Variants in CHN2 observed in about 807,000 individuals in gnomAD.
CHN2 encodes chimerin 2.
Under a neutral mutation model 56.3 loss-of-function variants are expected in CHN2, and 35 were observed. That is an observed-to-expected ratio of 0.62 (90% CI 0.47 to 0.82). The LOEUF (loss-of-function observed/expected upper bound fraction) is 0.82, where lower values mean the gene tolerates loss of function less well. Among genes scored for constraint, CHN2 ranks in the 40% least tolerant of loss-of-function variants. The pLI, the probability that CHN2 is intolerant of heterozygous loss-of-function variation, is 0.00. For missense variants in CHN2, 491 were observed against 580.5 expected (o/e 0.85, Z 1.58); for synonymous variants, 210 against 212.8 (o/e 0.99, Z 0.12).
chr7:29,341,398 A>G (rs1455950661), intron 1 of CHN2, among the ~76,000 whole-genome samples: 1 of 152,206 alleles, frequency 6.6e-6, no homozygotes, highest in Non-Finnish European at 1.5e-5. Context: ...ATTGTTATGG[A>G]TGGTGCCAGT....
intron 6 of CHN2, among the ~76,000 whole-genome samples, chr7:29,478,508 G>T (rs1786801501): frequency 6.6e-6 from 1 of 152,188 alleles, no homozygotes; most frequent in South Asian, 2.1e-4. Flanking sequence ...TAAAGCATTT[G>T]TCAGGACTGA....
chr7:29,424,301 G>A (rs1375780499), intron 6 of CHN2, among the ~76,000 whole-genome samples: 1 of 152,086 alleles, frequency 6.6e-6, no homozygotes, highest in Admixed American at 6.5e-5. Flanking sequence ...AGATGCCGGG[G>A]ACATAGTAGA....
chr7:29,322,831 C>T (rs937743727), intron 1 of CHN2, among the ~76,000 whole-genome samples: 7 of 152,280 alleles, frequency 4.6e-5, no homozygotes, highest in African/African-American at 9.6e-5. Flanking sequence ...TAATGGGGAA[C>T]GACCTACCTC....
At chr7:29,159,078 A>G (rs1049135199) in intron 2 of CHN2, among the ~76,000 whole-genome samples, 1 of 152,208 alleles carries the variant, frequency 6.6e-6, no homozygotes, top group Non-Finnish European at 1.5e-5. Context: ...CCATTAAGTC[A>G]TTAGGTGGCT....
chr7:29,459,042 C>G (rs1357449958), intron 6 of CHN2, among the ~76,000 whole-genome samples: 8 of 152,212 alleles, frequency 5.3e-5, no homozygotes, highest in African/African-American at 1.9e-4. Context: ...TTACACTAAA[C>G]TAGCAGGGAC....
At chr7:29,373,462 A>T (rs1258477335) in intron 3 of CHN2, among the ~76,000 whole-genome samples, 1 of 152,118 alleles carries the variant, frequency 6.6e-6, no homozygotes, top group African/African-American at 2.4e-5. Context: ...GGCATCAGCC[A>T]CCACGCCCGG....
At chr7:29,225,310 G>C (rs1285454136) in intron 1 of CHN2, among the ~76,000 whole-genome samples, 1 of 152,154 alleles carries the variant, frequency 6.6e-6, no homozygotes, top group Non-Finnish European at 1.5e-5. Flanking sequence ...AATTAGCCTG[G>C]AAAGATTTGT....
Position 29,384,311 on chromosome 7 carries a change from T to G in CHN2, c.145-9368T>G, listed in dbSNP as rs1165925580. On this transcript the variant is annotated intron_variant, in intron 3 of 12. Coordinates refer to ENST00000222792, the MANE Select transcript of CHN2 (RefSeq NM_004067.4). ...CCCTTCCTTTTGGTGTAGGAAAAGA[T>G]TATGGGCTTTGGAGTCAATTAGACC... Among the ~76,000 whole-genome samples, 3 of 152,198 alleles carry G rather than the reference T, an allele frequency of 2.0e-5. No individual in the cohort carries two copies. The East Asian group carries it at 5.8e-4, about 29-fold the overall frequency.
intron 2 of CHN2, among the ~76,000 whole-genome samples, chr7:29,178,515 T>C (rs1007703450): frequency 2.0e-5 from 3 of 152,222 alleles, no homozygotes; most frequent in Non-Finnish European, 4.4e-5. Flanking sequence ...ATCAAGTCTC[T>C]GCTGAAATGT....
intron 2 of CHN2, among the ~76,000 whole-genome samples, chr7:29,152,455 A>G (rs945571937): frequency 2.0e-5 from 3 of 152,128 alleles, no homozygotes; most frequent in African/African-American, 7.2e-5. Context: ...TCCTCATTTG[A>G]AAATGGAAGT....
rs1783450099 is a variant in CHN2, at chr7:29,194,890, G to A, written c.-52G>A. 8.5e-6 allele frequency: 12 copies of A among 1,412,708 alleles called. No homozygotes were observed. In the South Asian group the frequency reaches 1.8e-4, roughly 21 times the overall value. The allele number at this position is 1,412,708 out of a possible 1,614,324, so 87.5% of individuals were successfully genotyped here. On this transcript the variant is annotated 5_prime_UTR_variant, in exon 1 of 13. Coordinates refer to ENST00000222792, the MANE Select transcript of CHN2 (RefSeq NM_004067.4). ...CGAGCGGCCGGGCGAGGGCAGCGGCGGCGGCGTCCGCACCGGGGCTGAGCG... is the reference window on the plus strand; with the variant it reads ...CGAGCGGCCGGGCGAGGGCAGCGGCAGCGGCGTCCGCACCGGGGCTGAGCG...
chr7:29,487,425 A>G (rs917125114), intron 7 of CHN2, among the ~76,000 whole-genome samples: 1 of 152,194 alleles, frequency 6.6e-6, no homozygotes, highest in Non-Finnish European at 1.5e-5. Context: ...TGCTATGAAG[A>G]GGAGTTGTTT....
chr7:29,468,772 C>T (rs1388940994), intron 6 of CHN2, among the ~76,000 whole-genome samples: 1 of 152,152 alleles, frequency 6.6e-6, no homozygotes, highest in Admixed American at 6.5e-5. Context: ...GGTCCTTTCT[C>T]ACTCCCCATC....
At chr7:29,175,395 C>G (rs759966762) in intron 2 of CHN2, among the ~76,000 whole-genome samples, 4 of 151,984 alleles carry the variant, frequency 2.6e-5, no homozygotes, top group Non-Finnish European at 5.9e-5. Flanking sequence ...AGGCTGGTCT[C>G]AAACTCCAGA....
intron 8 of CHN2, among the ~76,000 whole-genome samples, chr7:29,497,876 G>T (rs2128572918): frequency 6.6e-6 from 1 of 152,182 alleles, no homozygotes; most frequent in East Asian, 1.9e-4. Context: ...GAGGTAGAAA[G>T]TTGAATGGTA....
intron 6 of CHN2, among the ~76,000 whole-genome samples, chr7:29,408,462 T>G (rs980520744): frequency 6.6e-6 from 1 of 152,200 alleles, no homozygotes; most frequent in Non-Finnish European, 1.5e-5. Context: ...TCTTTTATGT[T>G]GTAAATTAGA....
At position 29,456,386 on chromosome 7, in the gene CHN2, A is replaced by G. The variant is rs1433677001; in HGVS notation, c.577-23893A>G. Among the ~76,000 whole-genome samples, 5 of 152,038 alleles carry G rather than the reference A, an allele frequency of 3.3e-5. No homozygotes were observed. The East Asian group carries it at 9.7e-4, about 30-fold the overall frequency. ...GTGTTAGACGTCATTAGCTGCCTTCATGTGGCCTGGCCCAGCCCATGGTGA... is the reference window on the plus strand; with the variant it reads ...GTGTTAGACGTCATTAGCTGCCTTCGTGTGGCCTGGCCCAGCCCATGGTGA... On this transcript the variant is annotated intron_variant, in intron 6 of 12. Transcript: ENST00000222792.
At chr7:29,505,960 C>T (rs565007779) in intron 10 of CHN2, among the ~76,000 whole-genome samples, 61 of 152,298 alleles carry the variant, frequency 4.0e-4, no homozygotes, top group African/African-American at 1.5e-3. Flanking sequence ...GTTTTCTATA[C>T]ATCGGCAGCT....
At chr7:29,156,217 A>G (rs1359091118) in intron 2 of CHN2, among the ~76,000 whole-genome samples, 1 of 152,170 alleles carries the variant, frequency 6.6e-6, no homozygotes, top group African/African-American at 2.4e-5. Flanking sequence ...TGTGTTTAGA[A>G]GTTCTTCTGT....
Sources: allele counts gnomAD v4.1 joint callset (sites outside exome capture counted in the v4.1 genomes callset), GRCh38; gene constraint gnomAD v4.1.1; transcripts MANE v1.5; gene names NCBI Gene and HGNC (gene_info 2026-07-23, HGNC 2026-07-21).